The following LARGE1 variants were observed in gnomAD, a reference collection of about 807,000 sequenced individuals.
The protein encoded by LARGE1 is LARGE xylosyl- and glucuronyltransferase 1.
Under a neutral mutation model 87.6 loss-of-function variants are expected in LARGE1, and 43 were observed. The observed-to-expected ratio is 0.49, with a 90% confidence interval of 0.38 to 0.63. The LOEUF is 0.63. Ranked by LOEUF, LARGE1 falls within the 30% of genes least tolerant of loss-of-function variation. The pLI is 0.00. For missense variants in LARGE1, 802 were observed against 1,000.2 expected, an observed-to-expected ratio of 0.80 and a Z score of 2.67; for synonymous variants, 434 against 394.6, an observed-to-expected ratio of 1.10 and a Z score of -1.18.
At chr22:33,497,614 GT>G (rs887619984) in intron 6 of LARGE1, among the ~76,000 whole-genome samples, 17 of 152,136 alleles carry the variant, frequency 1.1e-4, no homozygotes, top group Admixed American at 9.2e-4. Flanking sequence ...ATTTTTCGAT[GT>G]GACAAAACAT....
intron 9 of LARGE1, among the ~76,000 whole-genome samples, chr22:33,363,013 A>G (rs569684661): frequency 6.7e-6 from 1 of 150,278 alleles, no homozygotes; most frequent in African/African-American, 2.4e-5. Flanking sequence ...AAGCAAATCA[A>G]GGTTAAAATA....
At chr22:33,185,053 T>C (rs1923403842) in intron 11 of LARGE1, among the ~76,000 whole-genome samples, 1 of 152,182 alleles carries the variant, frequency 6.6e-6, no homozygotes, top group African/African-American at 2.4e-5. Flanking sequence ...CTCTCTCTGG[T>C]ATTTATCTAA....
rs189125821 is a variant in LARGE1 at position 33,561,576 on chromosome 22, A to G, written c.787+3272T>C. ...ACCCCGGTGTAGCTACGGGCTCACC[A>G]AACAGTCTTATTCTTGCAACAGTCC... On this transcript the variant is annotated intron_variant, in intron 6 of 14. Coordinates refer to ENST00000397394, the MANE Select transcript of LARGE1 (RefSeq NM_133642.5). Among the ~76,000 whole-genome samples, 334 of 152,330 alleles carry G rather than the reference A, an allele frequency of 2.2e-3. 1 individual carries two copies. The highest frequency in any genetic ancestry group is 0.014 in the South Asian group (69 of 4,824).
rs34406131 is a variant in LARGE1 at position 33,766,913 on chromosome 22, C to CATATATAT, written c.-82-5363_-82-5356dup. 8.1e-4 allele frequency among the ~76,000 whole-genome samples: 91 copies of CATATATAT among 111,756 alleles called. 2 individuals carry two copies. Among genetic ancestry groups the CATATATAT allele is most frequent in the Non-Finnish European group, 1.2e-3 (66 of 54,656 alleles). 73.3% of individuals were successfully genotyped at this position (111,756 alleles called of 152,430 possible). On this transcript the variant is annotated intron_variant, in intron 1 of 14. Coordinates refer to ENST00000397394, the MANE Select transcript of LARGE1 (RefSeq NM_133642.5). Reference sequence around the variant, plus strand: ...AGAATATGACTAATTTAAACATATACATATATATATATATATATATATATA... The same window carrying CATATATAT: ...AGAATATGACTAATTTAAACATATACATATATATATATATATATATATATATATATATA...
Position 33,728,948 on chromosome 22 carries a change from A to C in LARGE1, c.106+32423T>G, listed in dbSNP as rs189917042. ...TACTTGTCTGATAATGTTTGTAAAA[A>C]GATCCAGAAGCTCAAAGGTATTAAC... is the stretch of plus-strand genomic sequence containing the variant. On this transcript the variant is annotated intron_variant, in intron 2 of 14. Transcript: ENST00000397394. Among the ~76,000 whole-genome samples, 219 of 152,362 alleles carry C rather than the reference A, an allele frequency of 1.4e-3. 4 individuals are homozygous for C. In the Middle Eastern group the frequency reaches 0.037, roughly 26 times the overall value.
intron 7 of LARGE1, among the ~76,000 whole-genome samples, chr22:33,423,736 A>C (rs2066777969): frequency 6.6e-6 from 1 of 151,764 alleles, no homozygotes; most frequent in Non-Finnish European, 1.5e-5. Context: ...GTAATCCTTG[A>C]ATTTCATTCC....
intron 11 of LARGE1, among the ~76,000 whole-genome samples, chr22:33,169,186 CCT>C (rs1397097106): frequency 6.6e-6 from 1 of 152,142 alleles, no homozygotes; most frequent in African/African-American, 2.4e-5. Flanking sequence ...AAAAATCTGT[CCT>C]GTTACAAAGT....
At chr22:33,406,084 A>C (rs1241666569) in intron 7 of LARGE1, among the ~76,000 whole-genome samples, 2 of 152,214 alleles carry the variant, frequency 1.3e-5, no homozygotes, top group African/African-American at 2.4e-5. Flanking sequence ...ACCAGGCTGA[A>C]TATGTGGTTG....
intron 4 of LARGE1, among the ~76,000 whole-genome samples, chr22:33,613,679 G>A (rs1219360303): frequency 6.6e-6 from 1 of 152,124 alleles, no homozygotes; most frequent in Admixed American, 6.5e-5. Flanking sequence ...AGTTTCTAAT[G>A]ATTTGTGGAG....
At chr22:33,471,726 T>C (rs1247269292) in intron 6 of LARGE1, among the ~76,000 whole-genome samples, 1 of 152,018 alleles carries the variant, frequency 6.6e-6, no homozygotes, top group East Asian at 1.9e-4. Context: ...GGGCTGATCT[T>C]ATGATCAATA....
intron 4 of LARGE1, among the ~76,000 whole-genome samples, chr22:33,617,040 C>G (rs143400490): frequency 2.3e-3 from 352 of 152,278 alleles, no homozygotes; most frequent in Non-Finnish European, 3.7e-3. Context: ...GGGAAGGAGG[C>G]CTGCTCTGCT....
chr22:33,320,266 C>T lies in LARGE1; in HGVS notation c.1288-4018G>A, dbSNP rs191124910. Among the ~76,000 whole-genome samples the T allele has an allele frequency of 3.3e-5, 5 of 152,176 alleles. No homozygotes were observed. The East Asian group carries it at 5.8e-4, about 18-fold the overall frequency. ...CAAATCTGCCTTTCCCTCACACCTC[C>T]GTGACTTTGTTCCGTGCCATGCTCT... is the stretch of plus-strand genomic sequence containing the variant. On this transcript the variant is annotated intron_variant, in intron 10 of 14. Coordinates refer to ENST00000397394, the MANE Select transcript of LARGE1 (RefSeq NM_133642.5).
intron 6 of LARGE1, among the ~76,000 whole-genome samples, chr22:33,465,411 T>C (rs1217418327): frequency 6.6e-6 from 1 of 152,228 alleles, no homozygotes; most frequent in African/African-American, 2.4e-5. Flanking sequence ...GGTGCATGGA[T>C]GTTAGGTTTA....
chr22:33,817,069 C>T (rs1378734495), intron 1 of LARGE1, among the ~76,000 whole-genome samples: 7 of 152,162 alleles, frequency 4.6e-5, no homozygotes, highest in African/African-American at 7.2e-5. Context: ...TATACATACA[C>T]ACATGTGTAT....
At chr22:33,412,127 T>C (rs1478579319) in intron 7 of LARGE1, among the ~76,000 whole-genome samples, 7 of 152,014 alleles carry the variant, frequency 4.6e-5, no homozygotes, top group Non-Finnish European at 7.4e-5. Flanking sequence ...CTACTAAAAG[T>C]ACAAAAATTA....
intron 3 of LARGE1, among the ~76,000 whole-genome samples, chr22:33,646,347 A>C (rs1030418536): frequency 6.6e-6 from 1 of 152,080 alleles, no homozygotes; most frequent in Non-Finnish European, 1.5e-5. Context: ...AGAAAACCAA[A>C]CACCACATGT....
intron 6 of LARGE1, among the ~76,000 whole-genome samples, chr22:33,561,505 CT>C (rs1227099143): frequency 6.6e-6 from 1 of 152,198 alleles, no homozygotes; most frequent in African/African-American, 2.4e-5. Context: ...TCCAGCTCCC[CT>C]GAATGTTCTG....
At chr22:33,388,755 T>C (rs2065413317) in intron 7 of LARGE1, among the ~76,000 whole-genome samples, 1 of 151,440 alleles carries the variant, frequency 6.6e-6, no homozygotes, top group South Asian at 2.1e-4. Context: ...TTAATAGAGA[T>C]GGGGTTTCGC....
intron 3 of LARGE1, among the ~76,000 whole-genome samples, chr22:33,635,565 T>C (rs1054090235): frequency 5.3e-5 from 8 of 152,112 alleles, no homozygotes; most frequent in African/African-American, 1.9e-4. Flanking sequence ...TTAGAATTTC[T>C]ATACAGCATT....
Sources: allele counts gnomAD v4.1 joint callset (sites outside exome capture counted in the v4.1 genomes callset), GRCh38; gene constraint gnomAD v4.1.1; transcripts MANE v1.5; gene names NCBI Gene and HGNC (gene_info 2026-07-23, HGNC 2026-07-21).